FOXP2: variants seen among roughly 807,000 people sequenced by gnomAD.
FOXP2 encodes the protein forkhead box protein P2.
In FOXP2, 12 loss-of-function variants were observed where a neutral mutation model predicts 115.8. That is an observed-to-expected ratio of 0.10 (90% CI 0.07 to 0.17). The LOEUF is 0.17. Ranked by LOEUF, FOXP2 falls within the 10% of genes least tolerant of loss-of-function variation. The probability of loss-of-function intolerance (pLI) is 1.00; values close to 1 mark genes in which losing one functional copy is unlikely to be tolerated. For missense variants in FOXP2, 629 were observed against 843.5 expected (o/e 0.75, Z 3.15); for synonymous variants, 328 against 297.7 (o/e 1.10, Z -1.05).
intron 2 of FOXP2, among the ~76,000 whole-genome samples, chr7:114,319,746 A>G (rs974975275): frequency 6.6e-6 from 1 of 152,240 alleles, no homozygotes; most frequent in Non-Finnish European, 1.5e-5. Flanking sequence ...AACCATATGA[A>G]CTACCAAAAT....
At chr7:114,268,696 C>A (rs1271844344) in intron 1 of FOXP2, among the ~76,000 whole-genome samples, 2 of 127,308 alleles carry the variant, frequency 1.6e-5, no homozygotes, top group Non-Finnish European at 3.2e-5. Flanking sequence ...GTCTATACTC[C>A]CCACTGTGTG....
chr7:114,378,603 G>C (rs1792198343), intron 2 of FOXP2, among the ~76,000 whole-genome samples: 1 of 136,722 alleles, frequency 7.3e-6, no homozygotes, highest in Non-Finnish European at 1.5e-5. Flanking sequence ...AGGATCTCTT[G>C]AGTCCAAGAG....
chr7:114,580,222 T>C (rs1398828473), intron 3 of FOXP2, among the ~76,000 whole-genome samples: 2 of 152,116 alleles, frequency 1.3e-5, no homozygotes, highest in South Asian at 2.1e-4. Context: ...GAGTGTGTTA[T>C]CAGAAAAACC....
chr7:114,407,519 A>G (rs2129197943), intron 2 of FOXP2, among the ~76,000 whole-genome samples: 1 of 152,260 alleles, frequency 6.6e-6, no homozygotes, highest in Non-Finnish European at 1.5e-5. Context: ...AATGGTTGTC[A>G]GAAAAGGGAC....
At chr7:114,558,986 A>T (rs1800610592) in intron 3 of FOXP2, among the ~76,000 whole-genome samples, 1 of 151,806 alleles carries the variant, frequency 6.6e-6, no homozygotes, top group Non-Finnish European at 1.5e-5. Context: ...TATATGTTAA[A>T]TTTTTTTCTT....
intron 1 of FOXP2, among the ~76,000 whole-genome samples, chr7:114,182,817 G>A (rs920153591): frequency 1.3e-5 from 2 of 151,898 alleles, no homozygotes; most frequent in Admixed American, 1.3e-4. Flanking sequence ...TTTTGATTAG[G>A]AAAAATGATT....
At chr7:114,353,330 G>C (rs1244927176) in intron 2 of FOXP2, among the ~76,000 whole-genome samples, 57 of 135,066 alleles carry the variant, frequency 4.2e-4, no homozygotes, top group Non-Finnish European at 7.3e-4. Flanking sequence ...CTGTATAGGA[G>C]CCTCTTTTTT....
chr7:114,224,184 C>T lies in FOXP2; in HGVS notation c.-102+61096C>T, dbSNP rs137926012. On this transcript the variant is annotated intron_variant, in intron 1 of 17. Transcript: ENST00000634411. ...GGTAAATTAGTCCACCTTTGAACCT[C>T]GCTATCTTAATTACTGAAGATTTCA... Among the ~76,000 whole-genome samples the T allele has an allele frequency of 3.4e-4, 51 of 152,194 alleles. 1 individual carries two copies. The highest frequency in any genetic ancestry group is 1.1e-3 in the African/African-American group (44 of 41,548).
rs1169217307 is a variant in FOXP2, at chr7:114,313,618, G to A, written c.-11+25509G>A. 4.0e-5 allele frequency among the ~76,000 whole-genome samples: 4 copies of A among 100,594 alleles called. 2 individuals are homozygous for A. The highest frequency in any genetic ancestry group is 1.4e-4 in the African/African-American group (2 of 14,312). 66.0% of individuals were successfully genotyped at this position (100,594 alleles called of 152,430 possible). On this transcript the variant is annotated intron_variant, in intron 2 of 17. Coordinates refer to the FOXP2 transcript ENST00000634411. ...AAATTAGCCGGGCGTAGTGGCGGGC[G>A]CCTGTAGTCCCAGCTACTTGGGAGG...
At chr7:114,658,874 T>C (rs1286499910) in intron 11 of FOXP2, among the ~76,000 whole-genome samples, 1 of 152,152 alleles carries the variant, frequency 6.6e-6, no homozygotes. Flanking sequence ...CAGTCACACA[T>C]TGTAACCATT....
intron 1 of FOXP2, among the ~76,000 whole-genome samples, chr7:114,133,165 G>A (rs986685424): frequency 6.6e-6 from 1 of 152,218 alleles, no homozygotes; most frequent in African/African-American, 2.4e-5. Flanking sequence ...CAGATTAAGT[G>A]TAGTATGTGA....
chr7:114,667,202 T>C (rs1807210706), intron 16 of FOXP2: 1 of 152,246 alleles, frequency 6.6e-6, no homozygotes, highest in Admixed American at 6.6e-5. Context: ...GGCAGGAGGA[T>C]TGCTTGAGGC....
chr7:114,210,355 G>A (rs1794312046), intron 1 of FOXP2, among the ~76,000 whole-genome samples: 1 of 152,136 alleles, frequency 6.6e-6, no homozygotes, highest in African/African-American at 2.4e-5. Context: ...TGGTCTTCTT[G>A]TTTTATGCCT....
At chr7:114,170,564 T>C (rs776398933) in intron 1 of FOXP2, among the ~76,000 whole-genome samples, 2 of 152,186 alleles carry the variant, frequency 1.3e-5, no homozygotes, top group Admixed American at 6.5e-5. Context: ...TTGAAGGAAA[T>C]TAAAAGTGCT....
intron 2 of FOXP2, among the ~76,000 whole-genome samples, chr7:114,294,906 G>A (rs960766502): frequency 0.011 from 1,716 of 151,274 alleles, 16 homozygotes; most frequent in African/African-American, 0.017. Flanking sequence ...ATGCATGCAT[G>A]CATATATACA....
intron 3 of FOXP2, chr7:114,570,973 C>A: frequency 2.0e-6 from 2 of 1,020,238 alleles, no homozygotes; most frequent in South Asian, 1.3e-5. Context: ...TTTTCTATAG[C>A]CAATCCCTTC....
chr7:114,692,684 C>T lies in FOXP2; in HGVS notation c.*2758C>T. On this transcript the variant is annotated 3_prime_UTR_variant, in exon 17 of 17. Transcript: ENST00000350908. ...GAACTTCTGTGCATACCTTATAAAG[C>T]ATAATGTCTGACAATTTAAATGGCT... 2.3e-6 allele frequency: 1 copy of T among 444,158 alleles called. No individual in the cohort carries two copies. Among genetic ancestry groups the T allele is most frequent in the Non-Finnish European group, 4.5e-6 (1 of 222,818 alleles). The allele number at this position is 444,158 out of a possible 1,614,324, so 27.5% of individuals were successfully genotyped here.
intron 2 of FOXP2, among the ~76,000 whole-genome samples, chr7:114,328,267 T>C (rs1315948248): frequency 6.8e-6 from 1 of 147,678 alleles, no homozygotes; most frequent in African/African-American, 2.5e-5. Context: ...GACAGAGTCT[T>C]GCTCTGTCGC....
At chr7:114,356,992 G>C (rs1260251353) in intron 2 of FOXP2, among the ~76,000 whole-genome samples, 1 of 152,128 alleles carries the variant, frequency 6.6e-6, no homozygotes, top group African/African-American at 2.4e-5. Flanking sequence ...GCCAATAGGA[G>C]AATGAATCTA....
Sources: allele counts gnomAD v4.1 joint callset (sites outside exome capture counted in the v4.1 genomes callset), GRCh38; gene constraint gnomAD v4.1.1; transcripts MANE v1.5; gene names NCBI Gene and HGNC (gene_info 2026-07-23, HGNC 2026-07-21).